Variants in POLR3G observed in about 807,000 individuals in gnomAD.
POLR3G encodes the protein RNA polymerase III subunit G.
POLR3G carries 28 observed loss-of-function variants against 30.1 expected under a neutral mutation model. The ratio of observed to expected loss-of-function variants is 0.93; its 90% CI spans 0.69 to 1.27. The LOEUF (loss-of-function observed/expected upper bound fraction) is 1.27. Ranked by LOEUF, POLR3G falls within the 50% of genes most tolerant of loss-of-function variation. The pLI, the probability that POLR3G is intolerant of heterozygous loss-of-function variation, is 0.00. For synonymous variants in POLR3G, 79 were observed against 82.5 expected (o/e 0.96, Z 0.23); for missense variants, 254 against 264.6 (o/e 0.96, Z 0.28).
intron 1 of POLR3G, among the ~76,000 whole-genome samples, chr5:90,477,292 G>T (rs953473602): frequency 8.5e-5 from 13 of 152,168 alleles, no homozygotes; most frequent in African/African-American, 1.9e-4. Context: ...CCACAGCGTG[G>T]GGTGCCTGTG....
At chr5:90,511,851 C>T (rs186287348) in intron 7 of POLR3G, among the ~76,000 whole-genome samples, 1 of 152,228 alleles carries the variant, frequency 6.6e-6, no homozygotes, top group Non-Finnish European at 1.5e-5. Context: ...ATGGTATGGG[C>T]AACCCTTCAT....
At chr5:90,474,638 C>G (rs1159660753), upstream of POLR3G, 65 of 309,934 alleles carry the variant, frequency 2.1e-4, no homozygotes, top group Non-Finnish European at 1.2e-5. Flanking sequence ...AGGTGGCGAC[C>G]GTTTCGCCAC....
At chr5:90,486,930 T>C (rs1189434040) in intron 2 of POLR3G, among the ~76,000 whole-genome samples, 1 of 152,238 alleles carries the variant, frequency 6.6e-6, no homozygotes, top group African/African-American at 2.4e-5. Context: ...AGCATGAATG[T>C]ATACATTCCT....
chr5:90,480,272 A>G (rs527890630), intron 1 of POLR3G, among the ~76,000 whole-genome samples: 13 of 152,316 alleles, frequency 8.5e-5, no homozygotes, highest in Non-Finnish European at 1.8e-4. Flanking sequence ...TGTTTCTTTC[A>G]TGATACATTT....
intron 3 of POLR3G, chr5:90,490,541 G>GGC (rs1751670125): frequency 1.1e-5 from 4 of 365,528 alleles, no homozygotes; most frequent in Non-Finnish European, 2.1e-5. Flanking sequence ...TGGGACTACA[G>GGC]GCGCACACAC....
At chr5:90,473,990 G>A (rs1389851563), upstream of POLR3G, 1 of 1,599,034 alleles carries the variant, frequency 6.3e-7, no homozygotes. Flanking sequence ...CCTCGGCGTG[G>A]TGCACTGCCA....
chr5:90,512,244 G>A lies in POLR3G; in HGVS notation c.*105G>A. The A allele has an allele frequency of 1.3e-6, 1 of 743,698 alleles. No individual in the cohort carries two copies. The highest frequency in any genetic ancestry group is 2.3e-6 in the Non-Finnish European group (1 of 442,268). 46.1% of individuals were successfully genotyped at this position (743,698 alleles called of 1,614,324 possible). A position where few individuals can be genotyped will look rare whatever the true frequency, so the allele number is the denominator to read the frequency against. On this transcript the variant is annotated 3_prime_UTR_variant, in exon 8 of 8. Coordinates refer to ENST00000651687, the MANE Select transcript of POLR3G (RefSeq NM_006467.3). ...TAAGGAATAAGTACTTGTTTCTGTT[G>A]TTTTGGACAAATAGTTGTTACCAAA...
At chr5:90,482,185 A>C (rs1342138893) in intron 1 of POLR3G, among the ~76,000 whole-genome samples, 1 of 152,226 alleles carries the variant, frequency 6.6e-6, no homozygotes, top group Non-Finnish European at 1.5e-5. Context: ...ATAATGTAAA[A>C]CTATGAAACC....
intron 5 of POLR3G, among the ~76,000 whole-genome samples, chr5:90,499,437 T>C (rs998832428): frequency 4.6e-5 from 7 of 152,276 alleles, no homozygotes; most frequent in Middle Eastern, 3.4e-3. Flanking sequence ...GACTGGAAAA[T>C]GTTCACTCGT....
chr5:90,495,563 C>T, intron 3 of POLR3G, 114 bp from the exon 4 acceptor site: 1 of 1,458,220 alleles, frequency 6.9e-7, no homozygotes, highest in Non-Finnish European at 9.1e-7. Flanking sequence ...GGGAAACTCC[C>T]TGTATGTAAA....
At chr5:90,484,704 G>A (rs952306270) in intron 1 of POLR3G, among the ~76,000 whole-genome samples, 2 of 152,266 alleles carry the variant, frequency 1.3e-5, no homozygotes, top group South Asian at 2.1e-4. Flanking sequence ...GACTTCCTCC[G>A]AGTGGTCCAG....
chr5:90,485,446 A>C (rs985803395), intron 1 of POLR3G, 79 bp from the exon 2 acceptor site: 2 of 694,956 alleles, frequency 2.9e-6, no homozygotes, highest in East Asian at 2.5e-5. Flanking sequence ...GTGCTACTTA[A>C]GGGGTGCAGT....
chr5:90,495,160 T>G (rs775251409), intron 3 of POLR3G, among the ~76,000 whole-genome samples: 1 of 152,248 alleles, frequency 6.6e-6, no homozygotes, highest in African/African-American at 2.4e-5. Flanking sequence ...ATACTTGACA[T>G]AGAAGAAAAA....
rs1312059314 is a variant in POLR3G, at chr5:90,513,555, T to C, written c.*1416T>C. On this transcript the variant is annotated 3_prime_UTR_variant, in exon 8 of 8. Coordinates refer to ENST00000651687, the MANE Select transcript of POLR3G (RefSeq NM_006467.3). ...AGAAACATGTTTTCCTCACAAAATA[T>C]ATTGTAATCTGATTTTCCTATCTTG... 6.6e-6 allele frequency: 1 copy of C among 152,548 alleles called. No individual in the cohort carries two copies. The highest frequency in any genetic ancestry group is 1.5e-5 in the Non-Finnish European group (1 of 68,028). 9.4% of individuals were successfully genotyped at this position (152,548 alleles called of 1,614,324 possible). A position where few individuals can be genotyped will look rare whatever the true frequency, so the allele number is the denominator to read the frequency against.
chr5:90,509,392 A>G (rs1236916091), intron 7 of POLR3G, among the ~76,000 whole-genome samples: 1 of 152,194 alleles, frequency 6.6e-6, no homozygotes, highest in Non-Finnish European at 1.5e-5. Flanking sequence ...CACTAAGTAT[A>G]TGCTTGGAAT....
intron 3 of POLR3G, among the ~76,000 whole-genome samples, chr5:90,491,467 G>C (rs1751721441): frequency 6.6e-6 from 1 of 151,024 alleles, no homozygotes; most frequent in Non-Finnish European, 1.5e-5. Context: ...TGAATAAATG[G>C]AATTTGGCTT....
chr5:90,488,001 A>G lies in POLR3G; in HGVS notation c.119A>G (p.Asp40Gly), dbSNP rs774378694. 13 of 1,587,026 alleles carry G rather than the reference A, an allele frequency of 8.2e-6. No individual in the cohort carries two copies. The highest frequency in any genetic ancestry group is 1.4e-5 in the African/African-American group (1 of 73,504). ...VVLKPPPLFP[D>G]TDYKPVPLKT... The stretch of plus-strand genomic sequence containing the variant: ...ATCTTTGTCTCTTAATTTAAACAGG[A>G]TACAGATTATAAACCAGTGCCACTG... Residue 40 changes from aspartate (D) to glycine (G), a missense_variant and splice_region_variant, in exon 3 of 8, where the codon GAT (aspartate) becomes GGT (glycine). Physicochemically the swap from Asp to Gly is moderately conservative, Grantham distance 94. Transcript: ENST00000651687.
chr5:90,480,645 A>G (rs1561246506), intron 1 of POLR3G, among the ~76,000 whole-genome samples: 2 of 152,114 alleles, frequency 1.3e-5, no homozygotes, highest in African/African-American at 4.8e-5. Flanking sequence ...CTGGTATGGT[A>G]GGTTTGAGGG....
At chr5:90,510,333 G>C (rs940843694) in intron 7 of POLR3G, among the ~76,000 whole-genome samples, 1 of 151,878 alleles carries the variant, frequency 6.6e-6, no homozygotes, top group Non-Finnish European at 1.5e-5. Flanking sequence ...AGCCGAGATC[G>C]CGCCACTGCA....
Sources: allele counts gnomAD v4.1 joint callset (sites outside exome capture counted in the v4.1 genomes callset), GRCh38; gene constraint gnomAD v4.1.1; transcripts MANE v1.5; gene names NCBI Gene and HGNC (gene_info 2026-07-23, HGNC 2026-07-21).